Variants in MGAM2 observed in about 807,000 individuals in gnomAD.
MGAM2 encodes the protein probable maltase-glucoamylase 2.
MGAM2 carries 98 observed loss-of-function variants against 96.1 expected under a neutral mutation model. The ratio of observed to expected loss-of-function variants is 1.02; its 90% CI spans 0.87 to 1.21. The LOEUF is 1.21. MGAM2 is among the 50% of genes most tolerant of loss of function. The probability of loss-of-function intolerance (pLI) is 0.00; values close to 1 mark genes in which losing one functional copy is unlikely to be tolerated. For synonymous variants in MGAM2, 749 were observed against 414.8 expected (o/e 1.81, Z -9.79); for missense variants, 2,055 against 1,182.4 (o/e 1.74, Z -10.82).
intron 6 of MGAM2, among the ~76,000 whole-genome samples, chr7:142,132,770 A>G (rs989040132): frequency 1.6e-4 from 20 of 125,684 alleles, no homozygotes; most frequent in African/African-American, 6.1e-4. Context: ...ATATAATTAT[A>G]TAATATAATA....
At chr7:142,142,724 A>G (rs1647671281) in intron 12 of MGAM2, among the ~76,000 whole-genome samples, 1 of 151,768 alleles carries the variant, frequency 6.6e-6, no homozygotes, top group African/African-American at 2.4e-5. Context: ...TGATTTTTGT[A>G]TTTTTAGTAG....
intron 46 of MGAM2, among the ~76,000 whole-genome samples, chr7:142,212,350 A>G (rs2226960): frequency 0.74 from 112,166 of 152,082 alleles, 41,495 homozygotes; most frequent in African/African-American, 0.79. Context: ...TTCACAAATA[A>G]CAGTATTAAC....
In MGAM2 at chr7:142,131,080, T is replaced by C. The variant is rs1006452493; in HGVS notation, c.310+9T>C. ...TACAAATACAAGCACAGGTGAGCAC[T>C]GCCCTGATGTTGCGCCTGGGAACAA... On this transcript the variant is annotated intron_variant, in intron 4 of 47. Transcript: ENST00000477922. 15 of 701,138 alleles carry C rather than the reference T, an allele frequency of 2.1e-5. No individual in the cohort carries two copies. In the Admixed American group the frequency reaches 2.2e-4, roughly 10 times the overall value. 43.4% of individuals were successfully genotyped at this position (701,138 alleles called of 1,614,324 possible).
chr7:142,201,288 T>C (rs1368022958), intron 45 of MGAM2, among the ~76,000 whole-genome samples: 2 of 151,870 alleles, frequency 1.3e-5, no homozygotes, highest in African/African-American at 4.8e-5. Context: ...CAGGCTGGTC[T>C]CGAACTCTTG....
intron 15 of MGAM2, among the ~76,000 whole-genome samples, chr7:142,150,132 G>A (rs912218507): frequency 6.6e-6 from 1 of 151,754 alleles, no homozygotes; most frequent in Non-Finnish European, 1.5e-5. Flanking sequence ...GTAGAGACGG[G>A]GTTTCTCCAT....
Position 142,128,635 on chromosome 7 carries a change from G to A in MGAM2, c.187-2313G>A, listed in dbSNP as rs564524736. On this transcript the variant is annotated intron_variant, in intron 3 of 47. Transcript: ENST00000477922. ...GCTAAAAGGGACAAAAGTACAGCTCGGGCCATGGCTTCAGAGTGTATAAGC... is the reference window on the plus strand; with the variant it reads ...GCTAAAAGGGACAAAAGTACAGCTCAGGCCATGGCTTCAGAGTGTATAAGC... Among the ~76,000 whole-genome samples, 6 of 152,294 alleles carry A rather than the reference G, an allele frequency of 3.9e-5. 1 individual carries two copies. The highest frequency in any genetic ancestry group is 7.2e-5 in the African/African-American group (3 of 41,566).
At chr7:142,169,371 G>A (rs1796125232) in intron 26 of MGAM2, among the ~76,000 whole-genome samples, 1 of 152,042 alleles carries the variant, frequency 6.6e-6, no homozygotes, top group East Asian at 1.9e-4. Context: ...GCAGTAAGCC[G>A]AGATCGCACC....
At chr7:142,117,930 TG>T (rs149052622) in intron 2 of MGAM2, among the ~76,000 whole-genome samples, 23 of 148,414 alleles carry the variant, frequency 1.5e-4, no homozygotes, top group Middle Eastern at 3.4e-3. Context: ...TGCTTTCAAC[TG>T]TTTTTTTTTC....
chr7:142,138,122 A>G (rs181528740), intron 9 of MGAM2, among the ~76,000 whole-genome samples: 1 of 152,242 alleles, frequency 6.6e-6, no homozygotes, highest in East Asian at 1.9e-4. Context: ...ATCCATTCTT[A>G]TTCCTTTACC....
chr7:142,138,597 G>T lies in MGAM2; in HGVS notation c.1016G>T (p.Arg339Leu), dbSNP rs971979291. The T allele has an allele frequency of 1.4e-6, 1 of 703,106 alleles. No homozygotes were observed. The highest frequency in any genetic ancestry group is 2.6e-6 in the Non-Finnish European group (1 of 384,976). 43.6% of individuals were successfully genotyped at this position (703,106 alleles called of 1,614,324 possible). A position where few individuals can be genotyped will look rare whatever the true frequency, so the allele number is the denominator to read the frequency against. The part of the protein sequence containing the change: ...PYWSLGFQLS[R>L]RDYGGINKLK... ...TGGAGTCTTGGGTTCCAGCTTAGTC[G>T]CAGGGACTATGGTGGCATCAATAAA... The change falls in exon 10 of 48, where the codon CGC (arginine) becomes CTC (leucine). Residue 339 changes from arginine (R) to leucine (L), a missense_variant. By Grantham distance (102) the Arg-to-Leu change is moderately radical (BLOSUM62 -2). Coordinates refer to ENST00000477922, the MANE Select transcript of MGAM2 (RefSeq NM_001293626.2).
intron 3 of MGAM2, among the ~76,000 whole-genome samples, chr7:142,122,298 TA>T (rs1794599551): frequency 6.6e-6 from 1 of 152,224 alleles, no homozygotes; most frequent in Non-Finnish European, 1.5e-5. Flanking sequence ...TATTATTAGC[TA>T]CAGTCCAAAG....
chr7:142,150,564 G>A (rs1280457230), intron 15 of MGAM2, among the ~76,000 whole-genome samples: 1 of 152,024 alleles, frequency 6.6e-6, no homozygotes, highest in Non-Finnish European at 1.5e-5. Context: ...AGCTGCATCA[G>A]CATCACCAGA....
Position 142,220,505 on chromosome 7 carries a change from T to A in MGAM2, c.5994T>A (p.Pro1998=), listed in dbSNP as rs1427866761. Residue 1998 remains proline (P), a synonymous_variant, in exon 48 of 48, where the codon CCT becomes CCA. Transcript: ENST00000477922. The part of the protein sequence containing the change: ...TISVTTSTTV[P]DTTAPFPTST... ...GTGTTACAACTAGTACTACTGTTCCTGATACAACTGCTCCTTTCCCTACAA... is the reference window on the plus strand; with the variant it reads ...GTGTTACAACTAGTACTACTGTTCCAGATACAACTGCTCCTTTCCCTACAA... The A allele has an allele frequency of 2.8e-6, 2 of 702,378 alleles. No homozygotes were observed. Among genetic ancestry groups the A allele is most frequent in the Admixed American group, 2.0e-5 (1 of 49,930 alleles). The allele number at this position is 702,378 out of a possible 1,614,324, so 43.5% of individuals were successfully genotyped here. A position where few individuals can be genotyped will look rare whatever the true frequency, so the allele number is the denominator to read the frequency against.
At chr7:142,123,657 GTTAC>G (rs1471387375) in intron 3 of MGAM2, among the ~76,000 whole-genome samples, 4 of 151,742 alleles carry the variant, frequency 2.6e-5, no homozygotes, top group Non-Finnish European at 4.4e-5. Flanking sequence ...CTTTGTAGTA[GTTAC>G]TTATGTATTC....
chr7:142,214,758 C>T (rs949872431), intron 46 of MGAM2, among the ~76,000 whole-genome samples: 1 of 152,180 alleles, frequency 6.6e-6, no homozygotes, highest in African/African-American at 2.4e-5. Context: ...GAGATATCAT[C>T]TCATGCCAGT....
At chr7:142,128,053 T>C (rs1794778706) in intron 3 of MGAM2, among the ~76,000 whole-genome samples, 1 of 152,052 alleles carries the variant, frequency 6.6e-6, no homozygotes, top group Non-Finnish European at 1.5e-5. Context: ...TTTTCTCAGA[T>C]GGAGATGAGG....
chr7:142,147,310 T>TAGG (rs1362639736), intron 14 of MGAM2, 146 bp from the exon 15 acceptor site: 5 of 550,712 alleles, frequency 9.1e-6, no homozygotes, highest in Non-Finnish European at 1.6e-5. Context: ...AAATAGCATT[T>TAGG]AGGATAGAAT....
chr7:142,151,151 T>C (rs1460180894), intron 15 of MGAM2, among the ~76,000 whole-genome samples: 1 of 152,206 alleles, frequency 6.6e-6, no homozygotes, highest in African/African-American at 2.4e-5. Context: ...AGTCAGCCCA[T>C]ATCCTTAGCC....
intron 32 of MGAM2, among the ~76,000 whole-genome samples, chr7:142,176,266 G>T (rs899869058): frequency 6.6e-6 from 1 of 152,118 alleles, no homozygotes; most frequent in South Asian, 2.1e-4. Flanking sequence ...ACAAACAATT[G>T]AGTTAAGATC....
Sources: gnomAD v4.1 joint callset for allele counts (sites outside exome capture counted in the v4.1 genomes callset) on GRCh38, gnomAD v4.1.1 for gene constraint, MANE v1.5 for transcripts, NCBI Gene and HGNC (gene_info 2026-07-23, HGNC 2026-07-21) for gene names.